RBFOX1: variants seen among roughly 807,000 people sequenced by gnomAD.
RBFOX1 encodes RNA binding fox-1 homolog 1.
Under a neutral mutation model 57.7 loss-of-function variants are expected in RBFOX1, and 8 were observed. The observed-to-expected ratio is 0.14, with a 90% CI of 0.08 to 0.25. RBFOX1 has a LOEUF of 0.25. Ranked by LOEUF, RBFOX1 falls within the 10% of genes least tolerant of loss-of-function variation. The pLI is 1.00. For missense variants in RBFOX1, 611 were observed against 548.5 expected (o/e 1.11, Z -1.14); for synonymous variants, 326 against 222.4 (o/e 1.47, Z -4.15).
chr16:7,528,416 T>G (rs1039229872), intron 5 of RBFOX1, among the ~76,000 whole-genome samples: 1 of 152,194 alleles, frequency 6.6e-6, no homozygotes, highest in East Asian at 1.9e-4. Flanking sequence ...AGGACTGATG[T>G]AAGTGTTTGA....
chr16:6,485,709 G>GA (rs1158393999), intron 2 of RBFOX1, among the ~76,000 whole-genome samples: 2 of 152,160 alleles, frequency 1.3e-5, no homozygotes, highest in Non-Finnish European at 2.9e-5. Flanking sequence ...AAAAAGAGCA[G>GA]AATCTTTTCT....
chr16:7,234,409 C>T (rs903538720), intron 4 of RBFOX1, among the ~76,000 whole-genome samples: 1 of 152,010 alleles, frequency 6.6e-6, no homozygotes, highest in South Asian at 2.1e-4. Flanking sequence ...AAAAGCTAAC[C>T]TTTGGGAGGT....
At chr16:5,397,805 C>A (rs1226380497) in intron 1 of RBFOX1, among the ~76,000 whole-genome samples, 1 of 152,142 alleles carries the variant, frequency 6.6e-6, no homozygotes, top group Non-Finnish European at 1.5e-5. Flanking sequence ...TAAGGAATTA[C>A]TATTATGTTG....
chr16:7,181,268 A>C (rs1271568605), intron 4 of RBFOX1, among the ~76,000 whole-genome samples: 1 of 152,174 alleles, frequency 6.6e-6, no homozygotes, highest in Non-Finnish European at 1.5e-5. Flanking sequence ...GAACTGAAGG[A>C]GTACCAGAAC....
chr16:7,297,866 A>G (rs918326995), intron 4 of RBFOX1, among the ~76,000 whole-genome samples: 1 of 151,756 alleles, frequency 6.6e-6, no homozygotes, highest in African/African-American at 2.4e-5. Context: ...AAAAGCATTT[A>G]TTGGATTGAT....
chr16:5,917,933 CCTCT>C, intron 4 of RBFOX1, among the ~76,000 whole-genome samples: 1 of 152,130 alleles, frequency 6.6e-6, no homozygotes. Flanking sequence ...AGAATATGAT[CCTCT>C]CTCTCCCACA....
intron 3 of RBFOX1, among the ~76,000 whole-genome samples, chr16:5,663,477 T>C (rs1423492581): frequency 3.9e-5 from 6 of 152,040 alleles, no homozygotes; most frequent in African/African-American, 1.5e-4. Context: ...AATGCTGGTA[T>C]TAAATGCATG....
intron 1 of RBFOX1, among the ~76,000 whole-genome samples, chr16:6,203,434 T>A (rs2097229850): frequency 6.6e-6 from 1 of 152,240 alleles, no homozygotes; most frequent in Non-Finnish European, 1.5e-5. Context: ...ACTTCCTTTT[T>A]AAGACTGAGT....
intron 1 of RBFOX1, among the ~76,000 whole-genome samples, chr16:6,207,649 A>T (rs1382998822): frequency 1.3e-5 from 2 of 152,110 alleles, no homozygotes; most frequent in East Asian, 3.9e-4. Flanking sequence ...TTCCCATTTG[A>T]TGTGCAGATT....
At chr16:7,118,052 G>T (rs2066298521) in intron 4 of RBFOX1, among the ~76,000 whole-genome samples, 2 of 152,144 alleles carry the variant, frequency 1.3e-5, no homozygotes, top group Admixed American at 6.6e-5. Context: ...ATGCAGGTGT[G>T]TTTTTTTATA....
chr16:7,085,982 T>G (rs111305823), intron 4 of RBFOX1, among the ~76,000 whole-genome samples: 26 of 152,256 alleles, frequency 1.7e-4, no homozygotes, highest in African/African-American at 6.3e-4. Context: ...TGTGCCTGAT[T>G]GAGAACTTGT....
chr16:7,670,611 G>GGA (rs2071083465), intron 13 of RBFOX1, among the ~76,000 whole-genome samples: 1 of 152,148 alleles, frequency 6.6e-6, no homozygotes, highest in South Asian at 2.1e-4. Context: ...AGCGAAAGGA[G>GGA]GAGAGAGAGG....
chr16:5,850,941 G>C (rs1050410016), intron 3 of RBFOX1, among the ~76,000 whole-genome samples: 1 of 152,172 alleles, frequency 6.6e-6, no homozygotes, highest in Non-Finnish European at 1.5e-5. Flanking sequence ...AGATGGCATC[G>C]GGCATATCCT....
chr16:5,956,600 A>C (rs1484776591), intron 4 of RBFOX1, among the ~76,000 whole-genome samples: 2 of 149,294 alleles, frequency 1.3e-5, no homozygotes, highest in East Asian at 3.9e-4. Context: ...GTGATAGCAA[A>C]CTAGTGAGGA....
intron 3 of RBFOX1, among the ~76,000 whole-genome samples, chr16:7,047,917 C>A (rs1023287108): frequency 6.6e-6 from 1 of 151,778 alleles, no homozygotes; most frequent in African/African-American, 2.4e-5. Context: ...TCACTCTTGT[C>A]ACCCAGGCTG....
intron 1 of RBFOX1, among the ~76,000 whole-genome samples, chr16:6,135,113 G>A (rs1480154021): frequency 6.6e-6 from 1 of 151,926 alleles, no homozygotes; most frequent in Admixed American, 6.6e-5. Context: ...TTTTGTCCTT[G>A]CGATAGTTTG....
chr16:5,367,593 T>G (rs927260841), intron 1 of RBFOX1, among the ~76,000 whole-genome samples: 2 of 152,236 alleles, frequency 1.3e-5, no homozygotes, highest in Admixed American at 6.5e-5. Flanking sequence ...CTTCATTATC[T>G]TACTGGTACT....
At chr16:5,634,486 G>A (rs1458017254) in intron 3 of RBFOX1, among the ~76,000 whole-genome samples, 1 of 152,026 alleles carries the variant, frequency 6.6e-6, no homozygotes, top group Non-Finnish European at 1.5e-5. Flanking sequence ...TAAAGAACTT[G>A]TACAAAATGC....
intron 4 of RBFOX1, among the ~76,000 whole-genome samples, chr16:7,096,173 A>G (rs192376114): frequency 1.2e-3 from 182 of 152,330 alleles, no homozygotes; most frequent in African/African-American, 3.9e-3. Context: ...AAAACACAAC[A>G]CAATAACAAA....
Sources: gnomAD v4.1 joint callset for allele counts (sites outside exome capture counted in the v4.1 genomes callset) on GRCh38, gnomAD v4.1.1 for gene constraint, MANE v1.5 for transcripts, NCBI Gene and HGNC (gene_info 2026-07-23, HGNC 2026-07-21) for gene names.